The following KCNQ5 variants were observed in gnomAD, a reference collection of about 807,000 sequenced individuals.
KCNQ5 encodes potassium voltage-gated channel subfamily Q member 5.
A neutral mutation model predicts 98.2 loss-of-function variants in KCNQ5; 30 were observed. That is an observed-to-expected ratio of 0.31 (90% CI 0.23 to 0.41). The LOEUF (loss-of-function observed/expected upper bound fraction) is 0.41, where lower values mean the gene tolerates loss of function less well. Ranked by LOEUF, KCNQ5 falls within the 10% of genes least tolerant of loss-of-function variation. KCNQ5 has a pLI of 1.00. For missense variants in KCNQ5, 835 were observed against 1,182.5 expected, an observed-to-expected ratio of 0.71 and a Z score of 4.31; for synonymous variants, 458 against 449.4, an observed-to-expected ratio of 1.02 and a Z score of -0.24.
intron 1 of KCNQ5, among the ~76,000 whole-genome samples, chr6:72,685,981 C>T (rs760638885): frequency 3.3e-5 from 5 of 152,156 alleles, no homozygotes; most frequent in South Asian, 2.1e-4. Context: ...CACCTAGCCG[C>T]GTGATCATGT....
intron 1 of KCNQ5, among the ~76,000 whole-genome samples, chr6:72,971,114 A>G (rs1767873164): frequency 6.6e-6 from 1 of 152,228 alleles, no homozygotes; most frequent in African/African-American, 2.4e-5. Flanking sequence ...ACAAAGGGCT[A>G]ATATCCAGAA....
chr6:72,772,436 A>C (rs558660601), intron 1 of KCNQ5, among the ~76,000 whole-genome samples: 1 of 152,178 alleles, frequency 6.6e-6, no homozygotes, highest in Non-Finnish European at 1.5e-5. Flanking sequence ...TAAATTGTCA[A>C]GTGGCTTTAT....
intron 10 of KCNQ5, among the ~76,000 whole-genome samples, chr6:73,156,459 C>A (rs902206106): frequency 6.6e-6 from 1 of 152,164 alleles, no homozygotes; most frequent in Admixed American, 6.5e-5. Flanking sequence ...CATGGTGAAA[C>A]CCCATCTCTA....
chr6:72,785,244 T>A (rs547098705), intron 1 of KCNQ5, among the ~76,000 whole-genome samples: 85 of 152,306 alleles, frequency 5.6e-4, no homozygotes, highest in Non-Finnish European at 1.0e-3. Context: ...TCCCTGGCAC[T>A]GTGACTATGC....
At chr6:72,756,005 G>A (rs115749858) in intron 1 of KCNQ5, among the ~76,000 whole-genome samples, 5,605 of 152,170 alleles carry the variant, frequency 0.037, 326 homozygotes, top group African/African-American at 0.13. Context: ...AGCACCTCAC[G>A]CAGGCCTGTG....
At chr6:72,949,597 T>C (rs1248470803) in intron 1 of KCNQ5, among the ~76,000 whole-genome samples, 1 of 152,202 alleles carries the variant, frequency 6.6e-6, no homozygotes, top group Admixed American at 6.5e-5. Context: ...TTAAACATTT[T>C]CATATTACAT....
chr6:73,055,306 C>A, intron 3 of KCNQ5: 1 of 1,408,990 alleles, frequency 7.1e-7, no homozygotes. Context: ...TGCTAGATGC[C>A]ATTGATCAGA....
rs780982714 is a variant in KCNQ5 at position 73,195,080 on chromosome 6, T to C, written c.2465T>C (p.Val822Ala). 5.6e-6 allele frequency: 9 copies of C among 1,614,126 alleles called. No individual in the cohort carries two copies. The African/African-American group carries it at 8.0e-5, about 14-fold the overall frequency. Residue 822 changes from valine to alanine, a missense_variant, in exon 14 of 14, where the codon GTG (valine) becomes GCG (alanine). Physicochemically the swap from Val to Ala is moderately conservative, Grantham distance 64 (BLOSUM62 0). This residue lies in a region of KCNQ5 where 416 missense variants were observed against 446.9 expected (regional missense o/e 0.93). Transcript: ENST00000370398. The stretch of plus-strand genomic sequence containing the variant: ...ACTCTGTTGTCTGTCTGTCCCATGG[T>C]GCCGAAGGACTTGGGCAAATCTTTG... Reference protein sequence around the residue: ...GETLLSVCPMVPKDLGKSLSV... With the variant: ...GETLLSVCPMAPKDLGKSLSV...
At chr6:73,148,637 A>G (rs1256668349) in intron 10 of KCNQ5, among the ~76,000 whole-genome samples, 1 of 152,362 alleles carries the variant, frequency 6.6e-6, no homozygotes, top group East Asian at 1.9e-4. Context: ...ATAATCAACC[A>G]TATACTAAAA....
chr6:73,198,771 A>C lies in KCNQ5; in HGVS notation c.*3357A>C, dbSNP rs1177485052. 1 of 152,222 alleles carries C rather than the reference A, an allele frequency of 6.6e-6. No individual in the cohort carries two copies. Among genetic ancestry groups the C allele is most frequent in the African/African-American group, 2.4e-5 (1 of 41,464 alleles). 9.4% of individuals were successfully genotyped at this position (152,222 alleles called of 1,614,324 possible). On this transcript the variant is annotated 3_prime_UTR_variant, in exon 14 of 14. Coordinates refer to ENST00000370398, the MANE Select transcript of KCNQ5 (RefSeq NM_019842.4). ...GGGAACACCATATCCATTTCAAGCT[A>C]TCATTAAAGTGTAATTTCCTTTGCT...
Position 72,622,372 on chromosome 6 carries a change from G to T in KCNQ5, c.183G>T (p.Leu61=), listed in dbSNP as rs1433759144. The part of the protein sequence containing the change: ...AAARGDGLLL[L]GTRAATLGGG... ...CCAGGGGCGACGGCCTGCTACTGCT[G>T]GGCACCCGCGCGGCCACGCTCGGTG... Residue 61 remains leucine, a synonymous_variant, in exon 1 of 14, where the codon CTG becomes CTT. Coordinates refer to ENST00000370398, the MANE Select transcript of KCNQ5 (RefSeq NM_019842.4). The surrounding 1 kb of genome is among the most constrained non-coding windows in gnomAD (Gnocchi z 6.0). 4.8e-6 allele frequency: 7 copies of T among 1,463,898 alleles called. No individual in the cohort carries two copies. The highest frequency in any genetic ancestry group is 5.4e-6 in the Non-Finnish European group (6 of 1,108,618). The allele number at this position is 1,463,898 out of a possible 1,614,324, so 90.7% of individuals were successfully genotyped here.
intron 2 of KCNQ5, among the ~76,000 whole-genome samples, chr6:73,005,493 A>G (rs962470620): frequency 2.0e-5 from 3 of 152,246 alleles, no homozygotes; most frequent in African/African-American, 7.2e-5. Flanking sequence ...GAGCCAGGTC[A>G]AAAATCCAAA....
chr6:72,622,677 C>G lies in KCNQ5; in HGVS notation c.398+90C>G. 6.8e-7 allele frequency: 1 copy of G among 1,461,104 alleles called. No homozygotes were observed. Among genetic ancestry groups the G allele is most frequent in the South Asian group, 1.2e-5 (1 of 81,026 alleles). 90.5% of individuals were successfully genotyped at this position (1,461,104 alleles called of 1,614,324 possible). A position where few individuals can be genotyped will look rare whatever the true frequency, so the allele number is the denominator to read the frequency against. On this transcript the variant is annotated intron_variant, in intron 1 of 13. Coordinates refer to ENST00000370398, the MANE Select transcript of KCNQ5 (RefSeq NM_019842.4). The surrounding 1 kb of genome is among the most constrained non-coding windows in gnomAD (Gnocchi z 6.0). ...TGCTCCGCGCTCGCGCCCTTGGGCC[C>G]CCGCGCGCGTGCACACGTGGTGGCT...
At chr6:72,741,757 G>A (rs1336523117) in intron 1 of KCNQ5, among the ~76,000 whole-genome samples, 4 of 152,012 alleles carry the variant, frequency 2.6e-5, no homozygotes, top group Admixed American at 2.6e-4. Context: ...AACGATTCAG[G>A]ATCACTTACA....
chr6:72,921,185 A>G (rs1012585503), intron 1 of KCNQ5, among the ~76,000 whole-genome samples: 3 of 152,224 alleles, frequency 2.0e-5, no homozygotes, highest in African/African-American at 7.2e-5. Flanking sequence ...ATGTTATAAA[A>G]TCAGCATAGC....
intron 6 of KCNQ5, among the ~76,000 whole-genome samples, chr6:73,109,980 G>A (rs1395560520): frequency 6.6e-6 from 1 of 152,118 alleles, no homozygotes; most frequent in Non-Finnish European, 1.5e-5. Flanking sequence ...GAAGGTTAAA[G>A]GTTATCTAGA....
At position 72,903,386 on chromosome 6, in the gene KCNQ5, GT is replaced by G. The variant is rs1779582256; in HGVS notation, c.399-100520del. Among the ~76,000 whole-genome samples, 3 of 152,032 alleles carry G rather than the reference GT, an allele frequency of 2.0e-5. No individual in the cohort carries two copies. In the South Asian group the frequency reaches 6.2e-4, roughly 32 times the overall value. ...CTTCTGCTAAGTTTGGGTTTGGTTTGTTCTTGTTTCTCTAGTTCCTTGAGGT... is the reference window on the plus strand; with the variant it reads ...CTTCTGCTAAGTTTGGGTTTGGTTTGTCTTGTTTCTCTAGTTCCTTGAGGT... On this transcript the variant is annotated intron_variant, in intron 1 of 13. Coordinates refer to ENST00000370398, the MANE Select transcript of KCNQ5 (RefSeq NM_019842.4).
At chr6:73,182,662 A>G (rs1288792738) in intron 11 of KCNQ5, among the ~76,000 whole-genome samples, 2 of 152,110 alleles carry the variant, frequency 1.3e-5, no homozygotes, top group Admixed American at 6.6e-5. Context: ...CAGCACCCAC[A>G]TATTTTTTCC....
intron 6 of KCNQ5, among the ~76,000 whole-genome samples, chr6:73,109,276 G>C (rs745891292): frequency 6.6e-6 from 1 of 152,160 alleles, no homozygotes; most frequent in African/African-American, 2.4e-5. Context: ...GTGCTATGTA[G>C]GGCCTGTCTT....
Sources: allele counts gnomAD v4.1 joint callset (sites outside exome capture counted in the v4.1 genomes callset), GRCh38; gene constraint gnomAD v4.1.1; regional missense constraint gnomAD v4.1.1; non-coding constraint Gnocchi (gnomAD v3.1); transcripts MANE v1.5; gene names NCBI Gene and HGNC (gene_info 2026-07-23, HGNC 2026-07-21).